COPS8: variants seen among roughly 807,000 people sequenced by gnomAD.
COPS8 encodes the protein COP9 signalosome complex subunit 8.
A neutral mutation model predicts 31.5 loss-of-function variants in COPS8; 11 were observed. The observed-to-expected ratio is 0.35, with a 90% CI of 0.22 to 0.58. The LOEUF (loss-of-function observed/expected upper bound fraction) is 0.58, where lower values mean the gene tolerates loss of function less well. COPS8 is among the 20% of genes least tolerant of loss of function. COPS8 has a pLI of 0.83. For synonymous variants in COPS8, 81 were observed against 89.3 expected, an observed-to-expected ratio of 0.91 and a Z score of 0.52; for missense variants, 215 against 255.1, an observed-to-expected ratio of 0.84 and a Z score of 1.07.
intron 2 of COPS8, among the ~76,000 whole-genome samples, chr2:237,087,820 T>G (rs1232517101): frequency 6.6e-6 from 1 of 152,056 alleles, no homozygotes; most frequent in African/African-American, 2.4e-5. Context: ...TAATCCCAGC[T>G]ACCTGGGAGG....
intron 2 of COPS8, chr2:237,087,455 CT>C: frequency 4.2e-6 from 2 of 480,364 alleles, no homozygotes; most frequent in Non-Finnish European, 7.8e-6. Context: ...ACCTTTTTGT[CT>C]TTTTAAGAAA....
At chr2:237,097,321 A>G (rs1469672120) in intron 7 of COPS8, among the ~76,000 whole-genome samples, 1 of 144,460 alleles carries the variant, frequency 6.9e-6, no homozygotes, top group African/African-American at 2.6e-5. Flanking sequence ...TTAATGTTGC[A>G]TGGGTAAGGA....
intron 1 of COPS8, chr2:237,086,596 G>C (rs1363248753): frequency 6.4e-6 from 1 of 156,642 alleles, no homozygotes; most frequent in Non-Finnish European, 1.4e-5. Flanking sequence ...TATATCATTA[G>C]TTTTAAAATT....
chr2:237,093,574 A>G, intron 4 of COPS8: 2 of 500,380 alleles, frequency 4.0e-6, no homozygotes, highest in Non-Finnish European at 5.2e-6. Context: ...CAAGGTGGGA[A>G]TTTAGGATTT....
intron 2 of COPS8, among the ~76,000 whole-genome samples, chr2:237,087,890 G>A (rs1302646059): frequency 2.0e-5 from 3 of 150,898 alleles, no homozygotes; most frequent in Non-Finnish European, 2.9e-5. Flanking sequence ...CTAAGATTGC[G>A]CGACTGCACT....
At chr2:237,094,979 T>C (rs1696772582) in intron 5 of COPS8, among the ~76,000 whole-genome samples, 1 of 152,138 alleles carries the variant, frequency 6.6e-6, no homozygotes, top group South Asian at 2.1e-4. Context: ...AATATATATA[T>C]ATATCGTATA....
At chr2:237,089,735 A>T (rs1323782052) in intron 3 of COPS8, 127 bp from the exon 4 acceptor site, 1 of 933,218 alleles carries the variant, frequency 1.1e-6, no homozygotes, top group Non-Finnish European at 1.6e-6. Context: ...TTTAAAATAA[A>T]TGTTGAATTA....
intron 4 of COPS8, chr2:237,093,698 C>G (rs1429154307): frequency 3.0e-6 from 3 of 986,856 alleles, no homozygotes; most frequent in African/African-American, 3.5e-5. Context: ...TTGAAAAGGA[C>G]AGCTGATTAC....
At position 237,098,219 on chromosome 2, in the gene COPS8, C is replaced by G. The variant is rs1211568428; in HGVS notation, c.*477C>G. 1 of 154,822 alleles carries G rather than the reference C, an allele frequency of 6.5e-6. No homozygotes were observed. Among genetic ancestry groups the G allele is most frequent in the African/African-American group, 2.4e-5 (1 of 41,448 alleles). The allele number at this position is 154,822 out of a possible 1,614,324, so 9.6% of individuals were successfully genotyped here. A position where few individuals can be genotyped will look rare whatever the true frequency, so the allele number is the denominator to read the frequency against. The stretch of plus-strand genomic sequence containing the variant: ...GAGAACATGCTCTCTTTTCACCCCC[C>G]ACCTCCTGAGAGCCACTAATGTAAG... On this transcript the variant is annotated 3_prime_UTR_variant, in exon 8 of 8. Transcript: ENST00000354371.
rs1054688322 is a variant in COPS8 at position 237,099,631 on chromosome 2, A to G, written c.*1889A>G. On this transcript the variant is annotated 3_prime_UTR_variant, in exon 8 of 8. Coordinates refer to ENST00000354371, the MANE Select transcript of COPS8 (RefSeq NM_006710.5). ...GCTTTATTTTTCTTTGTAAACAGTA[A>G]ATATTTCCCACTCCTGTCTACATGA... The G allele has an allele frequency of 6.6e-6, 1 of 152,206 alleles. No homozygotes were observed. The highest frequency in any genetic ancestry group is 6.5e-5 in the Admixed American group (1 of 15,278). 9.4% of individuals were successfully genotyped at this position (152,206 alleles called of 1,614,324 possible). A position where few individuals can be genotyped will look rare whatever the true frequency, so the allele number is the denominator to read the frequency against.
chr2:237,088,717 T>A, intron 3 of COPS8, 64 bp downstream of exon 3: 5 of 1,032,194 alleles, frequency 4.8e-6, no homozygotes, highest in Non-Finnish European at 7.3e-6. Context: ...ATGGCAACCT[T>A]TTATAAGCTT....
chr2:237,094,948 A>G (rs994143878), intron 5 of COPS8, among the ~76,000 whole-genome samples: 4 of 152,192 alleles, frequency 2.6e-5, no homozygotes, highest in Non-Finnish European at 5.9e-5. Context: ...CCTGGGCAAC[A>G]CAGTGAGATT....
intron 3 of COPS8, 48 bp from the exon 4 acceptor site, chr2:237,089,814 G>T: frequency 6.4e-7 from 1 of 1,572,736 alleles, no homozygotes; most frequent in Non-Finnish European, 8.7e-7. Flanking sequence ...ACAATCATTG[G>T]TGCATTTACA....
In COPS8 at chr2:237,086,039, C is replaced by T; in HGVS notation, c.75C>T (p.Leu25=). The change falls in exon 1 of 8, where the codon CTC becomes CTT. Residue 25 remains leucine, a synonymous_variant. Coordinates refer to ENST00000354371, the MANE Select transcript of COPS8 (RefSeq NM_006710.5). ...TGGATCAGTGCGAGAACCAGGAGCT[C>T]GAGGTAACCCTTTGCGTCGCGCTGG... The part of the protein sequence containing the change: ...KLLDQCENQE[L]EAPGGIATPP... 1 of 1,613,222 alleles carries T rather than the reference C, an allele frequency of 6.2e-7. No individual in the cohort carries two copies. The highest frequency in any genetic ancestry group is 1.1e-5 in the South Asian group (1 of 90,938).
At chr2:237,088,203 T>G (rs1207691031) in intron 2 of COPS8, among the ~76,000 whole-genome samples, 2 of 152,206 alleles carry the variant, frequency 1.3e-5, no homozygotes, top group African/African-American at 2.4e-5. Context: ...GGAGGGGCTG[T>G]AATCGGGAGA....
chr2:237,087,279 T>A, intron 2 of COPS8, 82 bp downstream of exon 2: 1 of 929,088 alleles, frequency 1.1e-6, no homozygotes, highest in Non-Finnish European at 1.7e-6. Context: ...GTAGCACCAC[T>A]AAACATAGGC....
intron 4 of COPS8, among the ~76,000 whole-genome samples, chr2:237,090,251 G>T (rs1480122740): frequency 6.6e-6 from 1 of 151,742 alleles, no homozygotes; most frequent in Non-Finnish European, 1.5e-5. Context: ...AGTTTTTTTT[G>T]CTATTAAAAC....
At chr2:237,094,978 A>G (rs1254246186) in intron 5 of COPS8, among the ~76,000 whole-genome samples, 1 of 152,044 alleles carries the variant, frequency 6.6e-6, no homozygotes, top group Non-Finnish European at 1.5e-5. Context: ...AAATATATAT[A>G]TATATCGTAT....
intron 3 of COPS8, among the ~76,000 whole-genome samples, chr2:237,089,074 G>A (rs1387233075): frequency 1.3e-5 from 2 of 152,058 alleles, no homozygotes; most frequent in Admixed American, 1.3e-4. Context: ...TTGTTAATTA[G>A]GATTTTAAAT....
Sources: allele counts gnomAD v4.1 joint callset (sites outside exome capture counted in the v4.1 genomes callset), GRCh38; gene constraint gnomAD v4.1.1; transcripts MANE v1.5; gene names NCBI Gene and HGNC (gene_info 2026-07-23, HGNC 2026-07-21).